PCDHA3: variants seen among roughly 807,000 people sequenced by gnomAD.
PCDHA3 encodes protocadherin alpha 3.
In PCDHA3, 41 loss-of-function variants were observed where a neutral mutation model predicts 62.2. That is an observed-to-expected ratio of 0.66 (90% CI 0.51 to 0.86). The LOEUF (loss-of-function observed/expected upper bound fraction) is 0.86. PCDHA3 is among the 40% of genes least tolerant of loss of function. PCDHA3 has a pLI of 0.00. For synonymous variants in PCDHA3, 640 were observed against 555.4 expected (o/e 1.15, Z -2.14); for missense variants, 1,304 against 1,241.2 (o/e 1.05, Z -0.76).
rs114148884 is a variant in PCDHA3 at position 140,924,440 on chromosome 5, C to T, written c.2395-54509C>T. ...CTTTCTAGTTCCCTAGAAGAGATAA[C>T]GAATGGGTTTGTGTGTTTAGGGAGG... On this transcript the variant is annotated intron_variant, in intron 1 of 3. Coordinates refer to ENST00000522353, the MANE Select transcript of PCDHA3 (RefSeq NM_018906.3). Among the ~76,000 whole-genome samples, 538 of 152,252 alleles carry T rather than the reference C, an allele frequency of 3.5e-3. 4 individuals are homozygous for T. Among genetic ancestry groups the T allele is most frequent in the African/African-American group, 0.012 (480 of 41,540 alleles).
At position 140,841,172 on chromosome 5, in the gene PCDHA3, G is replaced by A. The variant is rs1479528874; in HGVS notation, c.2394+37581G>A. 5 of 1,035,814 alleles carry A rather than the reference G, an allele frequency of 4.8e-6. No homozygotes were observed. The African/African-American group carries it at 6.5e-5, about 13-fold the overall frequency. The allele number at this position is 1,035,814 out of a possible 1,614,324, so 64.2% of individuals were successfully genotyped here. A position where few individuals can be genotyped will look rare whatever the true frequency, so the allele number is the denominator to read the frequency against. On this transcript the variant is annotated intron_variant, in intron 1 of 3. Coordinates refer to ENST00000522353, the MANE Select transcript of PCDHA3 (RefSeq NM_018906.3). ...GCTGTCTACCAAGAAGTTCTGGTTG[G>A]TCAATGTTCAAAGTCTTTTCTCTGA...
intron 1 of PCDHA3, among the ~76,000 whole-genome samples, chr5:140,890,087 A>G (rs1284769572): frequency 6.6e-6 from 1 of 152,170 alleles, no homozygotes; most frequent in African/African-American, 2.4e-5. Context: ...TGATAATGCA[A>G]ATTTATTCCC....
intron 1 of PCDHA3, among the ~76,000 whole-genome samples, chr5:140,914,941 T>C (rs1554196635): frequency 6.9e-6 from 1 of 145,614 alleles, no homozygotes; most frequent in Non-Finnish European, 1.5e-5. Flanking sequence ...TGTGAAAAGT[T>C]GTCTTTTTTT....
intron 1 of PCDHA3, chr5:140,835,670 C>A: frequency 6.2e-7 from 1 of 1,613,852 alleles, no homozygotes; most frequent in Non-Finnish European, 8.5e-7. Flanking sequence ...CCGCGCGGGA[C>A]GGGGGCTCGC....
In PCDHA3 at chr5:140,856,229, C is replaced by T. The variant is rs17844338; in HGVS notation, c.2394+52638C>T. On this transcript the variant is annotated intron_variant, in intron 1 of 3. Transcript: ENST00000522353. ...GCTGGAGCTGGCGGAGCTGGTGCAG[C>T]GCCTGTTCCGGGTGGCGTCCAAAAG... 5 of 1,597,818 alleles carry T rather than the reference C, an allele frequency of 3.1e-6. No homozygotes were observed. The South Asian group carries it at 4.4e-5, about 14-fold the overall frequency.
chr5:140,852,246 C>T, intron 1 of PCDHA3: 3 of 546,236 alleles, frequency 5.5e-6, no homozygotes, highest in South Asian at 1.6e-4. Flanking sequence ...TTAAAACACA[C>T]TTTTGGAATA....
chr5:140,967,084 T>G (rs782593106), intron 1 of PCDHA3: 1 of 1,613,270 alleles, frequency 6.2e-7, no homozygotes, highest in Admixed American at 1.7e-5. Context: ...AGCGCATTGA[T>G]CGGGAGGCGC....
intron 1 of PCDHA3, chr5:140,849,467 T>A: frequency 1.3e-6 from 2 of 1,589,378 alleles, no homozygotes; most frequent in South Asian, 2.2e-5. Context: ...AGGCTGTCGA[T>A]AAAGGCTTCC....
In PCDHA3 at chr5:140,927,786, A is replaced by G. The variant is rs782728309; in HGVS notation, c.2395-51163A>G. 11 of 1,614,074 alleles carry G rather than the reference A, an allele frequency of 6.8e-6. No homozygotes were observed. The East Asian group carries it at 2.0e-4, about 29-fold the overall frequency. On this transcript the variant is annotated intron_variant, in intron 1 of 3. Transcript: ENST00000522353. ...GTGGGGAGGTGCAAGTAGCTGCTTC[A>G]CTAGGTCCGCCTGAAACGCTCTTGG...
chr5:140,875,694 T>C, intron 1 of PCDHA3: 1 of 1,614,008 alleles, frequency 6.2e-7, no homozygotes, highest in South Asian at 1.1e-5. Flanking sequence ...ACGGGGACCT[T>C]CTGGAGGTAA....
chr5:140,808,824 G>C (rs142005186), intron 1 of PCDHA3: 1 of 1,612,766 alleles, frequency 6.2e-7, no homozygotes, highest in African/African-American at 1.3e-5. Context: ...CCACCTCTGG[G>C]CAGCAACGTG....
chr5:140,833,536 G>A (rs188132068), intron 1 of PCDHA3, among the ~76,000 whole-genome samples: 247 of 152,256 alleles, frequency 1.6e-3, no homozygotes, highest in African/African-American at 5.6e-3. Flanking sequence ...ACAAGTGTTC[G>A]AAAGGATAGA....
intron 1 of PCDHA3, among the ~76,000 whole-genome samples, chr5:140,952,174 A>T (rs1376987356): frequency 6.6e-6 from 1 of 152,096 alleles, no homozygotes; most frequent in Non-Finnish European, 1.5e-5. Flanking sequence ...CAGTTCCTGC[A>T]GCTGCTCTCA....
chr5:140,983,211 T>C (rs1429696975), intron 3 of PCDHA3, among the ~76,000 whole-genome samples: 1 of 152,204 alleles, frequency 6.6e-6, no homozygotes, highest in African/African-American at 2.4e-5. Context: ...AGGGACTATT[T>C]CCTAATCCAA....
chr5:140,877,306 C>G (rs1554169576), intron 1 of PCDHA3: 1 of 1,613,826 alleles, frequency 6.2e-7, no homozygotes, highest in African/African-American at 1.3e-5. Context: ...CTACGAGTTG[C>G]AACCGGCGGC....
chr5:140,876,233 A>G, intron 1 of PCDHA3: 1 of 1,614,016 alleles, frequency 6.2e-7, no homozygotes, highest in Non-Finnish European at 8.5e-7. Context: ...TTGTCTGAAA[A>G]TGTCCAAAAC....
At chr5:140,968,353 C>A (rs1377792748) in intron 1 of PCDHA3, 1 of 1,614,106 alleles carries the variant, frequency 6.2e-7, no homozygotes, top group Non-Finnish European at 8.5e-7. Context: ...GTGCCAGTGG[C>A]AGCCTTTATG....
intron 1 of PCDHA3, chr5:140,857,826 T>A (rs782420102): frequency 6.3e-7 from 1 of 1,597,464 alleles, no homozygotes; most frequent in South Asian, 1.1e-5. Context: ...GTGGCTAAGG[T>A]GCGCGCAGTG....
At chr5:140,918,097 A>C (rs193088313) in intron 1 of PCDHA3, among the ~76,000 whole-genome samples, 2 of 152,192 alleles carry the variant, frequency 1.3e-5, no homozygotes, top group Non-Finnish European at 2.9e-5. Flanking sequence ...CTTTTTATAG[A>C]GATCTTTCAC....
Sources: gnomAD v4.1 joint callset for allele counts (sites outside exome capture counted in the v4.1 genomes callset) on GRCh38, gnomAD v4.1.1 for gene constraint, MANE v1.5 for transcripts, NCBI Gene and HGNC (gene_info 2026-07-23, HGNC 2026-07-21) for gene names.